CFAP299: variants seen among roughly 807,000 people sequenced by gnomAD.
CFAP299 encodes cilia and flagella associated protein 299, also known as cilia- and flagella-associated protein 299.
CFAP299 carries 21 observed loss-of-function variants against 27.0 expected under a neutral mutation model. That is an observed-to-expected ratio of 0.78 (90% CI 0.55 to 1.12). CFAP299 has a LOEUF of 1.12. CFAP299 is among the 50% of genes most tolerant of loss of function. The pLI, the probability that CFAP299 is intolerant of heterozygous loss-of-function variation, is 0.00. For missense variants in CFAP299, 310 were observed against 276.6 expected (o/e 1.12, Z -0.86); for synonymous variants, 104 against 98.1 (o/e 1.06, Z -0.36).
chr4:80,376,182 G>T (rs1190111760), intron 2 of CFAP299, among the ~76,000 whole-genome samples: 1 of 151,852 alleles, frequency 6.6e-6, no homozygotes, highest in Non-Finnish European at 1.5e-5. Context: ...AAATTATGTT[G>T]TCTTTTTTTC....
chr4:80,484,722 C>A (rs920668545), intron 2 of CFAP299, among the ~76,000 whole-genome samples: 3 of 152,042 alleles, frequency 2.0e-5, no homozygotes, highest in Non-Finnish European at 2.9e-5. Flanking sequence ...ATATTGATGG[C>A]AGAAATTGTT....
At chr4:80,535,400 C>T (rs1306501096) in intron 2 of CFAP299, among the ~76,000 whole-genome samples, 1 of 68,558 alleles carries the variant, frequency 1.5e-5, no homozygotes, top group Non-Finnish European at 2.5e-5. Flanking sequence ...GAGGCTGAGG[C>T]AGGAGAATGG....
chr4:80,951,328 G>A (rs1330018547), intron 5 of CFAP299, among the ~76,000 whole-genome samples: 4 of 152,150 alleles, frequency 2.6e-5, no homozygotes, highest in Non-Finnish European at 5.9e-5. Flanking sequence ...AGTGTCACAA[G>A]GTTTGGAAGG....
intron 3 of CFAP299, among the ~76,000 whole-genome samples, chr4:80,676,348 G>T (rs1220216444): frequency 1.3e-5 from 2 of 152,028 alleles, no homozygotes; most frequent in Non-Finnish European, 2.9e-5. Flanking sequence ...TTGTATTTTT[G>T]AATTCAGTCT....
At chr4:80,784,563 G>A (rs996124810) in intron 3 of CFAP299, among the ~76,000 whole-genome samples, 13 of 151,582 alleles carry the variant, frequency 8.6e-5, no homozygotes, top group African/African-American at 2.4e-4. Context: ...TGTTGCCCAG[G>A]CTGGAGTGCA....
chr4:80,475,936 G>A (rs759854415), intron 2 of CFAP299, among the ~76,000 whole-genome samples: 3 of 152,156 alleles, frequency 2.0e-5, no homozygotes, highest in African/African-American at 4.8e-5. Flanking sequence ...AGAATGTGAC[G>A]ACCCAGACGC....
intron 2 of CFAP299, among the ~76,000 whole-genome samples, chr4:80,503,860 A>T (rs1731860973): frequency 6.6e-6 from 1 of 152,162 alleles, no homozygotes; most frequent in Non-Finnish European, 1.5e-5. Context: ...GTCTTTAGTT[A>T]GTTGATGGGG....
intron 2 of CFAP299, among the ~76,000 whole-genome samples, chr4:80,485,584 G>A (rs1388361410): frequency 6.6e-6 from 1 of 152,110 alleles, no homozygotes; most frequent in East Asian, 1.9e-4. Flanking sequence ...TTTGGTAGGT[G>A]TGTTAATTGT....
Position 80,362,874 on chromosome 4 carries a change from G to C in CFAP299, c.232G>C (p.Ala78Pro), listed in dbSNP as rs763740087. ...AIEIARLAER[A>P]QQKTLTSAGK... Reference sequence around the variant, plus strand: ...AGAGATTGCAAGACTGGCTGAAAGAGCTCAGCAAAAGTAAGTGTCCATGTT... The same window carrying C: ...AGAGATTGCAAGACTGGCTGAAAGACCTCAGCAAAAGTAAGTGTCCATGTT... The change falls in exon 2 of 6, where the codon GCT (alanine) becomes CCT (proline). Residue 78 changes from alanine (A) to proline (P), a missense_variant. By Grantham distance (27) the Ala-to-Pro change is conservative. Coordinates refer to ENST00000358105, the MANE Select transcript of CFAP299 (RefSeq NM_152770.3). 6.2e-7 allele frequency: 1 copy of C among 1,606,460 alleles called. No individual in the cohort carries two copies. Among genetic ancestry groups the C allele is most frequent in the Admixed American group, 1.7e-5 (1 of 57,282 alleles).
At chr4:80,871,141 A>G (rs1181815428) in intron 4 of CFAP299, 7 of 823,592 alleles carry the variant, frequency 8.5e-6, no homozygotes. Context: ...TCCTGACCTC[A>G]GGTGATCCAC....
chr4:80,390,927 A>G (rs941364259), intron 2 of CFAP299, among the ~76,000 whole-genome samples: 33 of 27,710 alleles, frequency 1.2e-3, no homozygotes, highest in Non-Finnish European at 1.2e-3. Context: ...ACACATATGT[A>G]TATATGTATA....
chr4:80,882,565 G>C (rs571566127), intron 4 of CFAP299, among the ~76,000 whole-genome samples: 12 of 152,050 alleles, frequency 7.9e-5, no homozygotes, highest in Non-Finnish European at 1.8e-4. Flanking sequence ...GTGAACCCGG[G>C]AGGCGGAGCT....
At chr4:80,853,253 A>T (rs952135334) in intron 3 of CFAP299, among the ~76,000 whole-genome samples, 1 of 151,986 alleles carries the variant, frequency 6.6e-6, no homozygotes, top group African/African-American at 2.4e-5. Context: ...CTGGTCTCGA[A>T]CTCCTGACCT....
chr4:80,582,070 G>T (rs11939398), intron 2 of CFAP299, among the ~76,000 whole-genome samples: 11,807 of 151,684 alleles, frequency 0.078, 699 homozygotes, highest in East Asian at 0.26. Flanking sequence ...TTACCCGATT[G>T]CCTTGCAATT....
chr4:80,586,298 A>G (rs1736435882), intron 3 of CFAP299, among the ~76,000 whole-genome samples: 1 of 152,108 alleles, frequency 6.6e-6, no homozygotes, highest in African/African-American at 2.4e-5. Flanking sequence ...TGCTAAAGCT[A>G]TAATTGTGAA....
intron 3 of CFAP299, among the ~76,000 whole-genome samples, chr4:80,688,428 A>G (rs917894992): frequency 1.3e-5 from 2 of 152,022 alleles, no homozygotes; most frequent in South Asian, 2.1e-4. Context: ...CAGCAGGGGC[A>G]CACTGACACC....
chr4:80,459,455 T>C (rs993339521), intron 2 of CFAP299, among the ~76,000 whole-genome samples: 2 of 152,196 alleles, frequency 1.3e-5, no homozygotes, highest in Non-Finnish European at 2.9e-5. Context: ...ATGTCTCAAG[T>C]CACCCACTTG....
chr4:80,470,419 TAATA>T, intron 2 of CFAP299, among the ~76,000 whole-genome samples: 1 of 152,188 alleles, frequency 6.6e-6, no homozygotes, highest in South Asian at 2.1e-4. Context: ...GGCAATATTT[TAATA>T]AATCAAATTC....
At chr4:80,796,139 C>G (rs1354730472) in intron 3 of CFAP299, among the ~76,000 whole-genome samples, 1 of 152,164 alleles carries the variant, frequency 6.6e-6, no homozygotes, top group African/African-American at 2.4e-5. Context: ...GTGTTGCCTC[C>G]AAAATCCAAA....
Sources: gnomAD v4.1 joint callset for allele counts (sites outside exome capture counted in the v4.1 genomes callset) on GRCh38, gnomAD v4.1.1 for gene constraint, MANE v1.5 for transcripts, NCBI Gene and HGNC (gene_info 2026-07-23, HGNC 2026-07-21) for gene names.